The following ROBO1 variants were observed in gnomAD, a reference collection of about 807,000 sequenced individuals.
ROBO1 encodes roundabout guidance receptor 1, also known as roundabout homolog 1.
A neutral mutation model predicts 195.9 loss-of-function variants in ROBO1; 149 were observed. The observed-to-expected ratio is 0.76, with a 90% CI of 0.67 to 0.87. The LOEUF (loss-of-function observed/expected upper bound fraction) is 0.87, where lower values mean the gene tolerates loss of function less well. Ranked by LOEUF, ROBO1 falls within the 40% of genes least tolerant of loss-of-function variation. ROBO1 has a pLI of 0.00. For synonymous variants in ROBO1, 816 were observed against 733.2 expected, an observed-to-expected ratio of 1.11 and a Z score of -1.82; for missense variants, 1,933 against 2,068.3, an observed-to-expected ratio of 0.93 and a Z score of 1.27.
At chr3:78,667,432 T>C (rs1445431921) in intron 14 of ROBO1, among the ~76,000 whole-genome samples, 2 of 152,146 alleles carry the variant, frequency 1.3e-5, no homozygotes, top group Non-Finnish European at 2.9e-5. Context: ...AGTTATACTT[T>C]ATTTAAAAAT....
Position 79,125,060 on chromosome 3 carries a change from T to TAA in ROBO1, c.172+394_172+395dup, listed in dbSNP as rs532881792. ...TCTTTTGTTTTTAAGACTACAAGTG[T>TAA]AAAAAAAAAAAAGTACAGATAAATT... On this transcript the variant is annotated intron_variant, in intron 3 of 30. Transcript: ENST00000464233. Among the ~76,000 whole-genome samples, 1,239 of 143,696 alleles carry TAA rather than the reference T, an allele frequency of 8.6e-3. 21 individuals are homozygous for TAA. The highest frequency in any genetic ancestry group is 0.03 in the African/African-American group (1,187 of 39,612). The allele number at this position is 143,696 out of a possible 152,430, so 94.3% of individuals were successfully genotyped here. A position where few individuals can be genotyped will look rare whatever the true frequency, so the allele number is the denominator to read the frequency against.
intron 2 of ROBO1, among the ~76,000 whole-genome samples, chr3:79,141,141 T>C (rs1360275480): frequency 6.6e-6 from 1 of 152,188 alleles, no homozygotes; most frequent in Non-Finnish European, 1.5e-5. Flanking sequence ...ATAGAAACTA[T>C]GCTTGATGCA....
In ROBO1 at chr3:78,631,226, A is replaced by G; in HGVS notation, c.3561T>C (p.Pro1187=). The G allele has an allele frequency of 1.2e-6, 2 of 1,613,300 alleles. No homozygotes were observed. Among genetic ancestry groups the G allele is most frequent in the Middle Eastern group, 1.7e-4 (1 of 6,058 alleles). The change falls in exon 25 of 31, where the codon CCT becomes CCC. Residue 1187 remains proline, a synonymous_variant. Transcript: ENST00000464233. ...QGGMNWADLL[P]PPPAHPPPHS... is the part of the protein sequence containing the mutation. ...GTGGAGGAGGATGTGCTGGGGGAGG[A>G]GGAAGCAGGTCTGCCCAGTTCATGC...
intron 4 of ROBO1, among the ~76,000 whole-genome samples, chr3:78,831,782 G>A (rs916286765): frequency 1.3e-5 from 2 of 152,218 alleles, no homozygotes; most frequent in South Asian, 4.1e-4. Context: ...AGCAAAGGAT[G>A]AGCAAAGTCA....
chr3:79,051,824 A>G lies in ROBO1; in HGVS notation c.172+73632T>C, dbSNP rs377524150. 2.7e-4 allele frequency among the ~76,000 whole-genome samples: 41 copies of G among 152,206 alleles called. 1 individual carries two copies. Among genetic ancestry groups the G allele is most frequent in the East Asian group, 2.3e-3 (12 of 5,156 alleles). The stretch of plus-strand genomic sequence containing the variant: ...TGCAATCTCTGAACATAAATTGTGA[A>G]GATTTCATGGACACTGATCACTTCC... On this transcript the variant is annotated intron_variant, in intron 3 of 30. Transcript: ENST00000464233.
intron 3 of ROBO1, among the ~76,000 whole-genome samples, chr3:78,963,643 G>A (rs1018984807): frequency 8.6e-5 from 13 of 150,680 alleles, no homozygotes; most frequent in Admixed American, 2.6e-4. Flanking sequence ...CTCAGCCTCC[G>A]GAGTAGCTGG....
At chr3:79,351,396 A>G (rs1165747309) in intron 2 of ROBO1, among the ~76,000 whole-genome samples, 1 of 152,312 alleles carries the variant, frequency 6.6e-6, no homozygotes, top group East Asian at 1.9e-4. Context: ...TCAAACACTC[A>G]GATTTAACTT....
intron 3 of ROBO1, among the ~76,000 whole-genome samples, chr3:79,039,013 C>T (rs2078432183): frequency 6.6e-6 from 1 of 152,126 alleles, no homozygotes; most frequent in East Asian, 1.9e-4. Flanking sequence ...GAAAGCCAGC[C>T]TGACAGTTGA....
chr3:79,605,343 G>C (rs973888942), intron 1 of ROBO1, among the ~76,000 whole-genome samples: 2 of 150,574 alleles, frequency 1.3e-5, no homozygotes, highest in African/African-American at 4.9e-5. Flanking sequence ...ATTCTTTTCT[G>C]GGAAAATTCC....
At chr3:79,420,723 A>T (rs2106932907) in intron 2 of ROBO1, among the ~76,000 whole-genome samples, 1 of 152,294 alleles carries the variant, frequency 6.6e-6, no homozygotes, top group South Asian at 2.1e-4. Context: ...CCCATTAAAA[A>T]TTAAAAAATA....
intron 3 of ROBO1, among the ~76,000 whole-genome samples, chr3:78,965,061 C>T (rs189441183): frequency 6.6e-6 from 1 of 151,694 alleles, no homozygotes; most frequent in East Asian, 1.9e-4. Context: ...TTTTATAAAC[C>T]AACTTGAGGT....
chr3:79,414,007 T>A (rs2037891742), intron 2 of ROBO1, among the ~76,000 whole-genome samples: 1 of 152,130 alleles, frequency 6.6e-6, no homozygotes. Flanking sequence ...TCTGTCGACC[T>A]TTTTATTTAC....
chr3:78,699,761 C>T (rs924751292), intron 8 of ROBO1, among the ~76,000 whole-genome samples: 26 of 151,998 alleles, frequency 1.7e-4, no homozygotes, highest in African/African-American at 6.0e-4. Flanking sequence ...CTCTCCTTGA[C>T]CTAGCCCTAC....
intron 18 of ROBO1, among the ~76,000 whole-genome samples, chr3:78,655,497 ATGATCCTCAATG>A (rs2107638833): frequency 6.6e-6 from 1 of 152,300 alleles, no homozygotes; most frequent in South Asian, 2.1e-4. Flanking sequence ...CCATCCGCCT[ATGATCCTCAATG>A]TGTGTGTGGA....
intron 1 of ROBO1, among the ~76,000 whole-genome samples, chr3:79,726,396 G>A (rs1702927105): frequency 6.6e-6 from 1 of 151,954 alleles, no homozygotes. Flanking sequence ...AATACTTTTG[G>A]AATTGTTTTT....
chr3:79,750,078 G>C (rs1704063509), intron 1 of ROBO1, among the ~76,000 whole-genome samples: 1 of 152,226 alleles, frequency 6.6e-6, no homozygotes, highest in East Asian at 1.9e-4. Flanking sequence ...GGGTGGAGCT[G>C]CCCAAGACCA....
At chr3:79,026,933 T>C (rs1211168745) in intron 3 of ROBO1, among the ~76,000 whole-genome samples, 3 of 152,086 alleles carry the variant, frequency 2.0e-5, no homozygotes, top group Non-Finnish European at 1.5e-5. Context: ...TTCCAATAAA[T>C]GTTTGTAGGA....
At chr3:79,109,494 A>G (rs2079845468) in intron 3 of ROBO1, among the ~76,000 whole-genome samples, 1 of 152,004 alleles carries the variant, frequency 6.6e-6, no homozygotes, top group Admixed American at 6.6e-5. Context: ...AGATATTGCT[A>G]TAGCTGTTTC....
intron 4 of ROBO1, among the ~76,000 whole-genome samples, chr3:78,854,327 ATTT>A (rs2034270904): frequency 6.8e-6 from 1 of 147,670 alleles, no homozygotes; most frequent in East Asian, 2.0e-4. Flanking sequence ...ATTAGTATAT[ATTT>A]ATTACTATTA....
Sources: allele counts gnomAD v4.1 joint callset (sites outside exome capture counted in the v4.1 genomes callset), GRCh38; gene constraint gnomAD v4.1.1; transcripts MANE v1.5; gene names NCBI Gene and HGNC (gene_info 2026-07-23, HGNC 2026-07-21).